COL4A6: variants seen among roughly 807,000 people sequenced by gnomAD.
COL4A6 encodes collagen alpha-6(IV) chain.
COL4A6 carries 59 observed loss-of-function variants against 126.7 expected under a neutral mutation model. The observed-to-expected ratio is 0.47, with a 90% confidence interval of 0.38 to 0.58. The LOEUF is 0.58. Among genes scored for constraint, COL4A6 ranks in the 20% least tolerant of loss-of-function variants. The probability of loss-of-function intolerance (pLI) is 0.00; values close to 1 mark genes in which losing one functional copy is unlikely to be tolerated. For synonymous variants in COL4A6, 547 were observed against 496.6 expected, an observed-to-expected ratio of 1.10 and a Z score of -1.35; for missense variants, 1,285 against 1,337.3, an observed-to-expected ratio of 0.96 and a Z score of 0.61.
chrX:108,304,917 T>A (rs2038585530), intron 3 of COL4A6, among the ~76,000 whole-genome samples: 1 of 112,334 alleles, frequency 8.9e-6, no homozygotes, highest in African/African-American at 3.2e-5. Flanking sequence ...TCCTAACAGC[T>A]AATCCTGGAT....
At chrX:108,371,084 T>C (rs2040312812) in intron 2 of COL4A6, among the ~76,000 whole-genome samples, 1 of 110,554 alleles carries the variant, frequency 9.0e-6, no homozygotes, top group Admixed American at 9.7e-5. Flanking sequence ...CTCAGAACTT[T>C]GTTCAAACCT....
chrX:108,300,939 T>C (rs772957597), intron 3 of COL4A6, among the ~76,000 whole-genome samples: 4 of 112,260 alleles, frequency 3.6e-5, no homozygotes, highest in Non-Finnish European at 7.5e-5. Flanking sequence ...AAAGTAAAGA[T>C]GGTCATTAAA....
At chrX:108,280,611 A>G (rs2037782724) in intron 3 of COL4A6, among the ~76,000 whole-genome samples, 1 of 112,090 alleles carries the variant, frequency 8.9e-6, no homozygotes, top group Non-Finnish European at 1.9e-5. Context: ...TCCAGTCAAT[A>G]GAAAAAGACG....
At chrX:108,192,888 T>A (rs2035095732) in intron 17 of COL4A6, among the ~76,000 whole-genome samples, 1 of 112,614 alleles carries the variant, frequency 8.9e-6, no homozygotes, top group Admixed American at 9.4e-5. Flanking sequence ...ACCATTTGGA[T>A]TAAGATGTTG....
intron 3 of COL4A6, among the ~76,000 whole-genome samples, chrX:108,278,180 G>A (rs1279038095): frequency 1.7e-4 from 19 of 112,058 alleles, no homozygotes; most frequent in Non-Finnish European, 3.0e-4. Context: ...GGCTTCAGAC[G>A]ATCAAACTAC....
chrX:108,244,067 T>A (rs1475615258), intron 3 of COL4A6, among the ~76,000 whole-genome samples: 2 of 110,407 alleles, frequency 1.8e-5, no homozygotes, highest in African/African-American at 6.6e-5. Flanking sequence ...TGAGTGGGCA[T>A]ATGGAAAATC....
chrX:108,312,036 C>T (rs1376102156), intron 2 of COL4A6, among the ~76,000 whole-genome samples: 10 of 112,278 alleles, frequency 8.9e-5, no homozygotes, highest in Non-Finnish European at 1.5e-4. Context: ...CTGACCATAT[C>T]CACCTTGGGA....
chrX:108,207,114 T>C (rs2035567222), intron 8 of COL4A6, among the ~76,000 whole-genome samples: 1 of 112,045 alleles, frequency 8.9e-6, no homozygotes, highest in Non-Finnish European at 1.9e-5. Flanking sequence ...AAATTTTATA[T>C]AAAAAGAAAG....
chrX:108,231,774 C>T (rs1264520043), intron 3 of COL4A6, among the ~76,000 whole-genome samples: 1 of 112,112 alleles, frequency 8.9e-6, no homozygotes, highest in Non-Finnish European at 1.9e-5. Flanking sequence ...GATACCAAAG[C>T]AATTTATCTC....
chrX:108,285,684 A>G (rs749315507), intron 3 of COL4A6, among the ~76,000 whole-genome samples: 4 of 111,828 alleles, frequency 3.6e-5, no homozygotes, highest in African/African-American at 1.3e-4. Flanking sequence ...TTTTTCAGCA[A>G]TACAGTCTTG....
rs2035559822 is a variant in COL4A6, at chrX:108,206,907, G to T, written c.547-327C>A. 3.7e-5 allele frequency: 11 copies of T among 300,232 alleles called. No individual in the cohort carries two copies. The South Asian group carries it at 4.0e-4, about 11-fold the overall frequency. The allele number at this position is 300,232 out of a possible 1,213,427, so 24.7% of individuals were successfully genotyped here. On this transcript the variant is annotated intron_variant, in intron 8 of 44. Coordinates refer to ENST00000334504, the MANE Select transcript of COL4A6 (RefSeq NM_033641.4). ...CCCTTTACATGAAGTTCTAGGACTG[G>T]CATAAAGGAGAAAAATCAGGATTGT...
At chrX:108,408,918 G>T (rs749958492) in intron 2 of COL4A6, among the ~76,000 whole-genome samples, 2 of 111,752 alleles carry the variant, frequency 1.8e-5, no homozygotes, top group African/African-American at 6.5e-5. Context: ...CTGAGATTGC[G>T]CCATTGCACT....
intron 2 of COL4A6, among the ~76,000 whole-genome samples, chrX:108,422,995 G>C (rs2064008816): frequency 8.9e-6 from 1 of 112,061 alleles, no homozygotes; most frequent in South Asian, 3.7e-4. Flanking sequence ...TGTTGGAAGA[G>C]TCTCATCACT....
chrX:108,316,753 A>C (rs1466648365), intron 2 of COL4A6, among the ~76,000 whole-genome samples: 3 of 112,437 alleles, frequency 2.7e-5, no homozygotes, highest in Non-Finnish European at 3.8e-5. Context: ...ATATCTGAGG[A>C]AAGAGTATTC....
At chrX:108,347,288 A>G (rs1033840577) in intron 2 of COL4A6, among the ~76,000 whole-genome samples, 16 of 112,298 alleles carry the variant, frequency 1.4e-4, no homozygotes, top group African/African-American at 4.9e-4. Flanking sequence ...ACACACGCAG[A>G]CATGAGGAGG....
chrX:108,351,666 T>G (rs2039851271), intron 2 of COL4A6, among the ~76,000 whole-genome samples: 1 of 111,183 alleles, frequency 9.0e-6, no homozygotes, highest in Admixed American at 9.6e-5. Flanking sequence ...AAGTCAGATG[T>G]TTCAAGATTC....
In COL4A6 at chrX:108,437,922, G is replaced by C. The variant is rs904619362; in HGVS notation, c.63+20C>G. The C allele has an allele frequency of 8.3e-7, 1 of 1,209,781 alleles. No homozygotes were observed. The highest frequency in any genetic ancestry group is 1.1e-6 in the Non-Finnish European group (1 of 894,075). On this transcript the variant is annotated intron_variant, in intron 2 of 44. Transcript: ENST00000334504. ...GGGTCAAAGGAGGGGGACGGAAAAGGGTCGTGAGAAGAGACTCACCGCTGC... is the reference window on the plus strand; with the variant it reads ...GGGTCAAAGGAGGGGGACGGAAAAGCGTCGTGAGAAGAGACTCACCGCTGC...
intron 2 of COL4A6, among the ~76,000 whole-genome samples, chrX:108,337,699 C>A (rs1166588231): frequency 2.7e-5 from 3 of 112,287 alleles, no homozygotes; most frequent in Non-Finnish European, 5.7e-5. Flanking sequence ...TAGTAAGTAA[C>A]CTTGTTGGTT....
chrX:108,247,331 T>C (rs2036741138), intron 3 of COL4A6, among the ~76,000 whole-genome samples: 1 of 112,189 alleles, frequency 8.9e-6, no homozygotes, highest in Non-Finnish European at 1.9e-5. Context: ...TCAATTGATA[T>C]AAAGCACTTA....
Sources: allele counts gnomAD v4.1 joint callset (sites outside exome capture counted in the v4.1 genomes callset), GRCh38; gene constraint gnomAD v4.1.1; transcripts MANE v1.5; gene names NCBI Gene and HGNC (gene_info 2026-07-23, HGNC 2026-07-21).